Variants in TRPM7 observed in about 807,000 individuals in gnomAD.
TRPM7 encodes the protein LTRPC ion channel family member 7.
A neutral mutation model predicts 229.7 loss-of-function variants in TRPM7; 134 were observed. The observed-to-expected ratio is 0.58, with a 90% CI of 0.51 to 0.67. TRPM7 has a LOEUF of 0.67. TRPM7 is among the 30% of genes least tolerant of loss of function. TRPM7 has a pLI of 0.00. For synonymous variants in TRPM7, 699 were observed against 715.2 expected, an observed-to-expected ratio of 0.98 and a Z score of 0.36; for missense variants, 1,901 against 2,210.0, an observed-to-expected ratio of 0.86 and a Z score of 2.80.
intron 1 of TRPM7, among the ~76,000 whole-genome samples, chr15:50,663,415 C>T (rs968386356): frequency 9.2e-5 from 14 of 152,252 alleles, no homozygotes; most frequent in South Asian, 2.1e-4. Flanking sequence ...CGTGAGCCAC[C>T]GTGCCCGGCC....
intron 12 of TRPM7, among the ~76,000 whole-genome samples, chr15:50,620,578 A>G (rs138361677): frequency 1.9e-4 from 29 of 152,320 alleles, no homozygotes; most frequent in African/African-American, 6.5e-4. Context: ...TAAGATGACT[A>G]CAATTGATAT....
chr15:50,562,055 C>T lies in TRPM7; in HGVS notation c.5468-247G>A, dbSNP rs563731086. 1.4e-3 allele frequency among the ~76,000 whole-genome samples: 219 copies of T among 152,092 alleles called. 2 individuals carry two copies. The highest frequency in any genetic ancestry group is 3.2e-3 in the African/African-American group (131 of 41,490). On this transcript the variant is annotated intron_variant, in intron 38 of 38. Transcript: ENST00000646667. ...GATTACAGGCATGCACCACCATGCC[C>T]GGCTAATTTTTTGTATTTTTAGTAG...
At chr15:50,659,425 G>C (rs1007758703) in intron 2 of TRPM7, among the ~76,000 whole-genome samples, 2 of 152,094 alleles carry the variant, frequency 1.3e-5, no homozygotes, top group African/African-American at 4.8e-5. Context: ...TTCACTTACA[G>C]CATTTGGTAC....
At chr15:50,628,583 A>C (rs1438425800) in intron 10 of TRPM7, among the ~76,000 whole-genome samples, 1 of 152,132 alleles carries the variant, frequency 6.6e-6, no homozygotes, top group Non-Finnish European at 1.5e-5. Context: ...TAGGATTACA[A>C]GTGTGAGCCA....
In TRPM7 at chr15:50,607,333, T is replaced by C; in HGVS notation, c.2581-5A>G. On this transcript the variant is annotated splice_region_variant and splice_polypyrimidine_tract_variant and intron_variant, in intron 19 of 38. Transcript: ENST00000646667. The stretch of plus-strand genomic sequence containing the variant: ...CAGAAATCCTAAATATGCCAACTAA[T>C]GAAAAAGTAAAGGTTACATAAATAA... The C allele has an allele frequency of 1.3e-6, 2 of 1,558,820 alleles. No individual in the cohort carries two copies. Among genetic ancestry groups the C allele is most frequent in the Non-Finnish European group, 1.7e-6 (2 of 1,156,406 alleles).
At chr15:50,573,415 T>A (rs1051001265) in intron 36 of TRPM7, among the ~76,000 whole-genome samples, 1 of 152,216 alleles carries the variant, frequency 6.6e-6, no homozygotes, top group African/African-American at 2.4e-5. Flanking sequence ...AGGAATTTAG[T>A]TGACAGTGAA....
intron 1 of TRPM7, among the ~76,000 whole-genome samples, chr15:50,674,883 G>C (rs2140967543): frequency 6.6e-6 from 1 of 152,152 alleles, no homozygotes; most frequent in South Asian, 2.1e-4. Context: ...ATAGTTTTGG[G>C]TTTTTTCCAA....
chr15:50,598,338 A>G (rs941891959), intron 22 of TRPM7, among the ~76,000 whole-genome samples: 6 of 152,216 alleles, frequency 3.9e-5, no homozygotes, highest in Non-Finnish European at 8.8e-5. Flanking sequence ...CAAAATGTGA[A>G]TAGTAACAAA....
At chr15:50,668,941 G>A (rs8029941) in intron 1 of TRPM7, among the ~76,000 whole-genome samples, 20,983 of 152,168 alleles carry the variant, frequency 0.14, 1,479 homozygotes, top group Middle Eastern at 0.2. Context: ...AACTTGACTT[G>A]TAGAGCCAAT....
rs2053276409 is a variant in TRPM7, at chr15:50,560,682, A to G, written c.*996T>C. Reference sequence around the variant, plus strand: ...TGCAATCTGCCAGTATCACATAATGATAATCCAACTGAATTAATTTCTTAA... The same window carrying G: ...TGCAATCTGCCAGTATCACATAATGGTAATCCAACTGAATTAATTTCTTAA... On this transcript the variant is annotated 3_prime_UTR_variant, in exon 39 of 39. Coordinates refer to ENST00000646667, the MANE Select transcript of TRPM7 (RefSeq NM_017672.6). 1 of 152,640 alleles carries G rather than the reference A, an allele frequency of 6.6e-6. No homozygotes were observed. Among genetic ancestry groups the G allele is most frequent in the African/African-American group, 2.4e-5 (1 of 41,454 alleles). 9.5% of individuals were successfully genotyped at this position (152,640 alleles called of 1,614,324 possible).
chr15:50,607,213 T>G lies in TRPM7; in HGVS notation c.2696A>C (p.Glu899Ala). The change falls in exon 20 of 39, where the codon GAG (glutamate) becomes GCG (alanine). Residue 899 changes from glutamate (E) to alanine (A), a missense_variant. Transcript: ENST00000646667. ...CTAAAGACATACCTCACGGACTTTC[T>G]CAATGGCATAAGTAAAAATATAAGC... is the stretch of plus-strand genomic sequence containing the variant. ...VIAYIFTYAI[E>A]KVREIFMSEA... is the part of the protein sequence containing the mutation. 1 of 1,608,964 alleles carries G rather than the reference T, an allele frequency of 6.2e-7. No individual in the cohort carries two copies. The highest frequency in any genetic ancestry group is 8.5e-7 in the Non-Finnish European group (1 of 1,178,360).
rs1351005282 is a variant in TRPM7 at position 50,559,732 on chromosome 15, T to G, written c.*1946A>C. 6.6e-6 allele frequency: 1 copy of G among 152,138 alleles called. No homozygotes were observed. Among genetic ancestry groups the G allele is most frequent in the African/African-American group, 2.4e-5 (1 of 41,428 alleles). The allele number at this position is 152,138 out of a possible 1,614,324, so 9.4% of individuals were successfully genotyped here. On this transcript the variant is annotated 3_prime_UTR_variant, in exon 39 of 39. Coordinates refer to ENST00000646667, the MANE Select transcript of TRPM7 (RefSeq NM_017672.6). ...AAGTAGGTTAATATATGTGAAATAC[T>G]TAGAGTAATGTCTGGTACACAGTAG...
chr15:50,580,963 G>T, intron 29 of TRPM7, 55 bp from the exon 30 acceptor site: 1 of 1,535,836 alleles, frequency 6.5e-7, no homozygotes, highest in Non-Finnish European at 8.7e-7. Context: ...AAAATCTCTA[G>T]ATGAAGCATA....
chr15:50,581,738 T>G (rs75029105), intron 29 of TRPM7, among the ~76,000 whole-genome samples: 4,517 of 152,174 alleles, frequency 0.03, 244 homozygotes, highest in African/African-American at 0.1. Flanking sequence ...AATTTGAATC[T>G]TCACATATTT....
chr15:50,574,739 G>A lies in TRPM7; in HGVS notation c.5020-20C>T. On this transcript the variant is annotated intron_variant, in intron 34 of 38. Transcript: ENST00000646667. ...AATTTCCTATAAAAGGGAGGGTGGG[G>A]AGAACCCTTGTTTAATATTTAAACT... The A allele has an allele frequency of 6.2e-7, 1 of 1,601,936 alleles. No homozygotes were observed. The highest frequency in any genetic ancestry group is 8.5e-7 in the Non-Finnish European group (1 of 1,173,428).
chr15:50,635,723 T>C (rs969844509), intron 7 of TRPM7, among the ~76,000 whole-genome samples: 15 of 142,748 alleles, frequency 1.1e-4, no homozygotes, highest in Admixed American at 1.0e-3. Flanking sequence ...CTCATGCCTG[T>C]AATTGCAGTA....
At chr15:50,626,184 G>T (rs538808472) in intron 11 of TRPM7, among the ~76,000 whole-genome samples, 1 of 151,920 alleles carries the variant, frequency 6.6e-6, no homozygotes, top group Non-Finnish European at 1.5e-5. Flanking sequence ...TGCCACTCTT[G>T]AACATTTATA....
intron 4 of TRPM7, among the ~76,000 whole-genome samples, chr15:50,645,796 T>C (rs1328920284): frequency 6.6e-6 from 1 of 152,172 alleles, no homozygotes; most frequent in East Asian, 1.9e-4. Flanking sequence ...CTAGGTTGAT[T>C]TGGACATACT....
rs762235251 is a variant in TRPM7, at chr15:50,634,402, A to C, written c.987T>G (p.His329Gln). The change falls in exon 8 of 39, where the codon CAT becomes CAG. Residue 329 changes from histidine to glutamine, a missense_variant. Physicochemically the swap from His to Gln is conservative, Grantham distance 24. This residue lies in a region of TRPM7 where 794 missense variants were observed against 881.9 expected (regional missense o/e 0.90). Transcript: ENST00000646667. ...GRAADLLAYI[H>Q]KQTEEGGNLP... ...CTTACCCTCCTTCTTCTGTTTGTTT[A>C]TGAATATACGCTAGCAGATCTGCAG... 1.3e-6 allele frequency: 2 copies of C among 1,573,306 alleles called. No homozygotes were observed. The highest frequency in any genetic ancestry group is 3.8e-5 in the Admixed American group (2 of 52,806).
Sources: allele counts gnomAD v4.1 joint callset (sites outside exome capture counted in the v4.1 genomes callset), GRCh38; gene constraint gnomAD v4.1.1; regional missense constraint gnomAD v4.1.1; transcripts MANE v1.5; gene names NCBI Gene and HGNC (gene_info 2026-07-23, HGNC 2026-07-21).